The following KLB variants were observed in gnomAD, a reference collection of about 807,000 sequenced individuals.
KLB encodes klotho beta, also known as beta-klotho.
Under a neutral mutation model 88.4 loss-of-function variants are expected in KLB, and 44 were observed. The observed-to-expected ratio is 0.50, with a 90% CI of 0.39 to 0.64. KLB has a LOEUF of 0.64. KLB is among the 30% of genes least tolerant of loss of function. KLB has a pLI of 0.00. For synonymous variants in KLB, 548 were observed against 513.4 expected (o/e 1.07, Z -0.91); for missense variants, 1,137 against 1,304.8 (o/e 0.87, Z 1.98).
intron 1 of KLB, among the ~76,000 whole-genome samples, chr4:39,426,713 G>T (rs1467432146): frequency 2.0e-5 from 3 of 151,484 alleles, no homozygotes; most frequent in Non-Finnish European, 2.9e-5. Flanking sequence ...TAAGAGACGG[G>T]GTCTTGCTCT....
Position 39,448,771 on chromosome 4 carries a change from AG to A in KLB, c.*86del. ...CTTACAGGAGATATACCTGTATTAT[AG>A]AAAGACAATCTGAGATACAGCTGTA... On this transcript the variant is annotated 3_prime_UTR_variant, in exon 5 of 5. Coordinates refer to ENST00000257408, the MANE Select transcript of KLB (RefSeq NM_175737.4). 3 of 1,297,624 alleles carry A rather than the reference AG, an allele frequency of 2.3e-6. No homozygotes were observed. The highest frequency in any genetic ancestry group is 3.2e-6 in the Non-Finnish European group (3 of 945,532). The allele number at this position is 1,297,624 out of a possible 1,614,324, so 80.4% of individuals were successfully genotyped here.
intron 1 of KLB, among the ~76,000 whole-genome samples, chr4:39,413,546 C>T (rs530424808): frequency 6.6e-6 from 1 of 151,824 alleles, no homozygotes; most frequent in South Asian, 2.1e-4. Context: ...AGAGACAAGA[C>T]AAACCTTGTC....
intron 1 of KLB, among the ~76,000 whole-genome samples, chr4:39,408,839 G>GT (rs1742780948): frequency 6.6e-6 from 1 of 151,542 alleles, no homozygotes; most frequent in Non-Finnish European, 1.5e-5. Flanking sequence ...AAATTATTCT[G>GT]CACACCTGTT....
At chr4:39,443,666 C>T (rs764852380) in intron 3 of KLB, among the ~76,000 whole-genome samples, 1 of 144,568 alleles carries the variant, frequency 6.9e-6, no homozygotes, top group Non-Finnish European at 1.5e-5. Flanking sequence ...GAGGCGGAGG[C>T]AGAAGAATCA....
intron 2 of KLB, among the ~76,000 whole-genome samples, chr4:39,436,725 CT>C (rs1233508194): frequency 6.6e-6 from 1 of 151,172 alleles, no homozygotes; most frequent in Non-Finnish European, 1.5e-5. Flanking sequence ...TTTTTTTTCC[CT>C]GAGATGGAGT....
At position 39,437,866 on chromosome 4, in the gene KLB, TAA is replaced by T; in HGVS notation, c.1477_1478del (p.Lys493ValfsTer31). On this transcript the variant is annotated frameshift_variant, in exon 3 of 5. Coordinates refer to ENST00000257408, the MANE Select transcript of KLB (RefSeq NM_175737.4). LOFTEE classifies it high-confidence loss of function. ...ACAGTAAACAGAAAGAGCGGAAACC[TAA>T]GTCTTCAGCACACTACTACAAACAG... ...FNSKQKERKP[K>X]SSAHYYKQII... 1 of 1,614,206 alleles carries T rather than the reference TAA, an allele frequency of 6.2e-7. No individual in the cohort carries two copies. Among genetic ancestry groups the T allele is most frequent in the Non-Finnish European group, 8.5e-7 (1 of 1,180,026 alleles).
intron 1 of KLB, among the ~76,000 whole-genome samples, chr4:39,429,763 A>G (rs948249945): frequency 1.9e-4 from 29 of 152,200 alleles, no homozygotes; most frequent in African/African-American, 6.0e-4. Context: ...TGCCCAACCA[A>G]AGAACACACA....
At chr4:39,431,131 T>C (rs1258669048) in intron 1 of KLB, among the ~76,000 whole-genome samples, 1 of 150,788 alleles carries the variant, frequency 6.6e-6, no homozygotes, top group Non-Finnish European at 1.5e-5. Flanking sequence ...GGTTTCGTCA[T>C]GTTGACCAGG....
chr4:39,427,878 G>C (rs2109830689), intron 1 of KLB, among the ~76,000 whole-genome samples: 1 of 152,292 alleles, frequency 6.6e-6, no homozygotes, highest in South Asian at 2.1e-4. Flanking sequence ...ACAGGTCTTT[G>C]ACAGTGAAAT....
intron 4 of KLB, among the ~76,000 whole-genome samples, 197 bp from the exon 5 acceptor site, chr4:39,448,104 C>T (rs1438461324): frequency 6.6e-6 from 1 of 152,180 alleles, no homozygotes; most frequent in East Asian, 1.9e-4. Context: ...ACAAATTTTT[C>T]AGACTTAAAT....
chr4:39,432,881 ATTT>A (rs769537512), intron 1 of KLB, among the ~76,000 whole-genome samples: 14 of 142,992 alleles, frequency 9.8e-5, no homozygotes, highest in African/African-American at 3.3e-4. Flanking sequence ...CTTATAGGGG[ATTT>A]TTTTTTTTTT....
intron 1 of KLB, among the ~76,000 whole-genome samples, chr4:39,408,367 T>C (rs1006926796): frequency 6.6e-6 from 1 of 152,166 alleles, no homozygotes; most frequent in Non-Finnish European, 1.5e-5. Context: ...CTGGGAAGAA[T>C]GTGCTCTACT....
chr4:39,447,008 C>G lies in KLB; in HGVS notation c.2282C>G (p.Ala761Gly). 1 of 1,610,398 alleles carries G rather than the reference C, an allele frequency of 6.2e-7. No homozygotes were observed. The highest frequency in any genetic ancestry group is 8.5e-7 in the Non-Finnish European group (1 of 1,179,952). Residue 761 changes from alanine to glycine, a missense_variant, in exon 4 of 5, where the codon GCC becomes GGC. Physicochemically the swap from Ala to Gly is moderately conservative, Grantham distance 60. Transcript: ENST00000257408. ...NPYADSHWRAAERFLQFEIAW... is the reference protein window; with the variant it reads ...NPYADSHWRAGERFLQFEIAW... ...TATGCTGACTCGCACTGGAGGGCGG[C>G]CGAGCGCTTCCTGCAGTTCGAGATC...
chr4:39,428,576 G>A (rs984367530), intron 1 of KLB, among the ~76,000 whole-genome samples: 3 of 151,926 alleles, frequency 2.0e-5, no homozygotes, highest in South Asian at 2.1e-4. Flanking sequence ...ACAAAAGAAC[G>A]AAGAAAAATA....
intron 1 of KLB, among the ~76,000 whole-genome samples, chr4:39,410,616 T>A (rs374592045): frequency 6.6e-6 from 1 of 152,238 alleles, no homozygotes; most frequent in East Asian, 1.9e-4. Flanking sequence ...GACTTTCACG[T>A]AGAAAACATT....
At chr4:39,419,944 CAAA>C (rs34834552) in intron 1 of KLB, among the ~76,000 whole-genome samples, 18 of 81,752 alleles carry the variant, frequency 2.2e-4, no homozygotes, top group Admixed American at 3.0e-4. Context: ...AACTTCATCT[CAAA>C]AAAAAAAAAA....
Position 39,422,408 on chromosome 4 carries a change from G to A in KLB, c.826-11802G>A, listed in dbSNP as rs73808409. 5.3e-3 allele frequency among the ~76,000 whole-genome samples: 808 copies of A among 152,164 alleles called. 7 individuals carry two copies. The highest frequency in any genetic ancestry group is 0.019 in the African/African-American group (772 of 41,520). ...ACTGGCAGGCAAGAGCACATAGGGCGATATAGCCTGGGCCTGATTCACCTT... is the reference window on the plus strand; with the variant it reads ...ACTGGCAGGCAAGAGCACATAGGGCAATATAGCCTGGGCCTGATTCACCTT... On this transcript the variant is annotated intron_variant, in intron 1 of 4. Coordinates refer to ENST00000257408, the MANE Select transcript of KLB (RefSeq NM_175737.4).
Position 39,446,228 on chromosome 4 carries a change from G to T in KLB, c.1606-104G>T. The T allele has an allele frequency of 9.9e-7, 1 of 1,005,554 alleles. No homozygotes were observed. Among genetic ancestry groups the T allele is most frequent in the Non-Finnish European group, 1.5e-6 (1 of 689,074 alleles). The allele number at this position is 1,005,554 out of a possible 1,614,324, so 62.3% of individuals were successfully genotyped here. ...TTTCAAGGGCTGGAATAGGCCTGGC[G>T]TGGTGGCCTGTAATCCCAGCACTTT... On this transcript the variant is annotated intron_variant, in intron 3 of 4. Coordinates refer to ENST00000257408, the MANE Select transcript of KLB (RefSeq NM_175737.4). This position sits in a 1 kb window ranked among gnomAD's most constrained non-coding sequence, Gnocchi z 6.4.
At chr4:39,447,604 ATT>A (rs1343623854) in intron 4 of KLB, 129 bp downstream of exon 4, 17 of 740,422 alleles carry the variant, frequency 2.3e-5, no homozygotes, top group Admixed American at 3.6e-5. Flanking sequence ...TGTCAATTGA[ATT>A]TTGTCCTGAA....
Sources: allele counts gnomAD v4.1 joint callset (sites outside exome capture counted in the v4.1 genomes callset), GRCh38; gene constraint gnomAD v4.1.1; non-coding constraint Gnocchi (gnomAD v3.1); transcripts MANE v1.5; gene names NCBI Gene and HGNC (gene_info 2026-07-23, HGNC 2026-07-21).